Variants in OSBPL6 observed in about 807,000 individuals in gnomAD.
The protein encoded by OSBPL6 is oxysterol binding protein like 6.
OSBPL6 carries 49 observed loss-of-function variants against 125.8 expected under a neutral mutation model. The observed-to-expected ratio is 0.39, with a 90% CI of 0.31 to 0.49. The LOEUF is 0.49. OSBPL6 is among the 20% of genes least tolerant of loss of function. The pLI is 0.88. For synonymous variants in OSBPL6, 394 were observed against 391.8 expected, an observed-to-expected ratio of 1.01 and a Z score of -0.07; for missense variants, 986 against 1,135.4, an observed-to-expected ratio of 0.87 and a Z score of 1.89.
intron 2 of OSBPL6, among the ~76,000 whole-genome samples, chr2:178,290,510 G>C (rs548142740): frequency 2.0e-5 from 3 of 146,412 alleles, no homozygotes. Flanking sequence ...CTGTGTATAC[G>C]TATAGAAAAG....
rs531956473 is a variant in OSBPL6 at position 178,361,859 on chromosome 2, A to C, written c.1287+44A>C. On this transcript the variant is annotated intron_variant, in intron 13 of 24. Transcript: ENST00000190611. ...TTTGCATGTACATGACACACTCCCA[A>C]CCCTGTAAGATGAAAGATCAAAAGA... 1.9e-6 allele frequency: 3 copies of C among 1,605,326 alleles called. No individual in the cohort carries two copies. The Admixed American group carries it at 5.1e-5, about 27-fold the overall frequency.
chr2:178,296,776 T>C (rs1272558990), intron 2 of OSBPL6, among the ~76,000 whole-genome samples: 1 of 152,134 alleles, frequency 6.6e-6, no homozygotes, highest in Non-Finnish European at 1.5e-5. Flanking sequence ...CTGCAGAACC[T>C]GGGACCTGGC....
intron 1 of OSBPL6, 123 bp from the exon 2 acceptor site, chr2:178,284,804 A>G: frequency 2.7e-6 from 1 of 377,332 alleles, no homozygotes; most frequent in Non-Finnish European, 4.7e-6. Flanking sequence ...ATGTACCCAT[A>G]TGAACTTCCT....
At chr2:178,247,798 T>A (rs1294804859) in intron 1 of OSBPL6, among the ~76,000 whole-genome samples, 3 of 152,182 alleles carry the variant, frequency 2.0e-5, no homozygotes, top group East Asian at 3.8e-4. Flanking sequence ...TTCTGTCAAA[T>A]CCTCTCCATG....
At chr2:178,235,160 A>G (rs1349708060) in intron 1 of OSBPL6, among the ~76,000 whole-genome samples, 3 of 152,170 alleles carry the variant, frequency 2.0e-5, no homozygotes, top group East Asian at 1.9e-4. Context: ...TATATATAAC[A>G]AAAACCTTCC....
At chr2:178,332,612 C>T in intron 6 of OSBPL6, 29 bp from the exon 7 acceptor site, 8 of 1,472,686 alleles carry the variant, frequency 5.4e-6, no homozygotes, top group Non-Finnish European at 7.6e-6. Flanking sequence ...TATATCCTTT[C>T]AGCCTATTTA....
At position 178,328,383 on chromosome 2, in the gene OSBPL6, C is replaced by G. The variant is rs913878602; in HGVS notation, c.318+5C>G. The G allele has an allele frequency of 1.2e-6, 2 of 1,611,310 alleles. No homozygotes were observed. Among genetic ancestry groups the G allele is most frequent in the African/African-American group, 2.7e-5 (2 of 74,670 alleles). Reference sequence around the variant, plus strand: ...CCTTTAAAAGGCTGGCACAAGGTAACATTTTTATCATATTCAGGTTCAGAC... The same window carrying G: ...CCTTTAAAAGGCTGGCACAAGGTAAGATTTTTATCATATTCAGGTTCAGAC... On this transcript the variant is annotated splice_donor_5th_base_variant and intron_variant, in intron 5 of 24. Transcript: ENST00000190611.
At chr2:178,310,173 G>C (rs192475364) in intron 3 of OSBPL6, among the ~76,000 whole-genome samples, 88 of 152,238 alleles carry the variant, frequency 5.8e-4, no homozygotes, top group Non-Finnish European at 8.5e-4. Context: ...AGTAGACTGG[G>C]CTCAATAATG....
In OSBPL6 at chr2:178,397,218, T is replaced by C. The variant is rs1695901210; in HGVS notation, c.*1659T>C. 1 of 152,230 alleles carries C rather than the reference T, an allele frequency of 6.6e-6. No homozygotes were observed. Among genetic ancestry groups the C allele is most frequent in the Non-Finnish European group, 1.5e-5 (1 of 68,040 alleles). 9.4% of individuals were successfully genotyped at this position (152,230 alleles called of 1,614,324 possible). A position where few individuals can be genotyped will look rare whatever the true frequency, so the allele number is the denominator to read the frequency against. On this transcript the variant is annotated 3_prime_UTR_variant, in exon 25 of 25. Transcript: ENST00000190611. ...GTTTCCACTAGATGGCGCAATATTT[T>C]ATTTATCCAAAACTCCTCCCTTGCA...
chr2:178,364,855 G>A (rs1291386278), intron 13 of OSBPL6, among the ~76,000 whole-genome samples: 2 of 152,154 alleles, frequency 1.3e-5, no homozygotes, highest in Non-Finnish European at 2.9e-5. Flanking sequence ...ATGGTCAGTG[G>A]TGCTCCTGCT....
At chr2:178,382,115 T>C (rs1222703518) in intron 15 of OSBPL6, among the ~76,000 whole-genome samples, 1 of 152,200 alleles carries the variant, frequency 6.6e-6, no homozygotes. Flanking sequence ...AAAACGCAAG[T>C]ACTCTTGCAC....
chr2:178,284,389 C>G (rs1347268559), intron 1 of OSBPL6, among the ~76,000 whole-genome samples: 1 of 152,080 alleles, frequency 6.6e-6, no homozygotes, highest in Non-Finnish European at 1.5e-5. Context: ...TCCATCTCTA[C>G]TAAAAATAAA....
chr2:178,258,073 G>A (rs1423688262), intron 1 of OSBPL6, among the ~76,000 whole-genome samples: 1 of 152,028 alleles, frequency 6.6e-6, no homozygotes, highest in Non-Finnish European at 1.5e-5. Flanking sequence ...TTACAGGTGT[G>A]AGCCACTGCA....
intron 2 of OSBPL6, among the ~76,000 whole-genome samples, chr2:178,287,105 G>A (rs529499326): frequency 2.0e-5 from 3 of 149,366 alleles, no homozygotes; most frequent in South Asian, 4.2e-4. Flanking sequence ...TAAACTCAAC[G>A]TGGGGAAACT....
chr2:178,213,034 C>G (rs931962954), intron 1 of OSBPL6, among the ~76,000 whole-genome samples: 3 of 152,116 alleles, frequency 2.0e-5, no homozygotes, highest in African/African-American at 7.2e-5. Flanking sequence ...GTCTCGAACT[C>G]CTGGCCTCGT....
chr2:178,196,736 G>T (rs574464941), intron 1 of OSBPL6, among the ~76,000 whole-genome samples: 1 of 152,310 alleles, frequency 6.6e-6, no homozygotes, highest in East Asian at 1.9e-4. Flanking sequence ...GGACTAGAGA[G>T]AAGATAATAT....
intron 9 of OSBPL6, 48 bp from the exon 10 acceptor site, chr2:178,338,943 C>A: frequency 7.3e-7 from 1 of 1,366,162 alleles, no homozygotes; most frequent in Non-Finnish European, 1.0e-6. Flanking sequence ...CCATCCCCAC[C>A]GCTCCCTACC....
chr2:178,283,284 G>A (rs1410168652), intron 1 of OSBPL6, among the ~76,000 whole-genome samples: 1 of 152,012 alleles, frequency 6.6e-6, no homozygotes, highest in East Asian at 1.9e-4. Context: ...ATTGGATGCT[G>A]GCCAAACATA....
intron 2 of OSBPL6, among the ~76,000 whole-genome samples, chr2:178,296,455 T>C (rs1285491820): frequency 6.6e-6 from 1 of 151,520 alleles, no homozygotes; most frequent in East Asian, 1.9e-4. Context: ...TATTTTAGAG[T>C]AAAAATAAAA....
Sources: gnomAD v4.1 joint callset for allele counts (sites outside exome capture counted in the v4.1 genomes callset) on GRCh38, gnomAD v4.1.1 for gene constraint, MANE v1.5 for transcripts, NCBI Gene and HGNC (gene_info 2026-07-23, HGNC 2026-07-21) for gene names.